Variants in TMTC4 observed in about 807,000 individuals in gnomAD.
TMTC4 encodes the protein protein O-mannosyl-transferase TMTC4.
Under a neutral mutation model 86.0 loss-of-function variants are expected in TMTC4, and 65 were observed. The ratio of observed to expected loss-of-function variants is 0.76; its 90% confidence interval spans 0.62 to 0.93. The LOEUF (loss-of-function observed/expected upper bound fraction) is 0.93. TMTC4 is among the 40% of genes least tolerant of loss of function. The pLI, the probability that TMTC4 is intolerant of heterozygous loss-of-function variation, is 0.00. For synonymous variants in TMTC4, 379 were observed against 382.5 expected, an observed-to-expected ratio of 0.99 and a Z score of 0.11; for missense variants, 866 against 948.1, an observed-to-expected ratio of 0.91 and a Z score of 1.14.
chr13:100,614,509 A>T, intron 15 of TMTC4, 79 bp from the exon 16 acceptor site: 4 of 1,105,292 alleles, frequency 3.6e-6, no homozygotes, highest in Non-Finnish European at 5.2e-6. Flanking sequence ...AAAAAAAAAA[A>T]AAAGAAAGAA....
At position 100,664,354 on chromosome 13, in the gene TMTC4, G is replaced by T; in HGVS notation, c.220-18C>A. ...TGGAGGTCCTGCAGGGTCACAAAGG[G>T]GATGTTCTGGACAAGGGTCTCCCAT... On this transcript the variant is annotated intron_variant, in intron 3 of 18. Coordinates refer to ENST00000342624, the MANE Select transcript of TMTC4 (RefSeq NM_032813.5). 6.3e-7 allele frequency: 1 copy of T among 1,578,788 alleles called. No homozygotes were observed. Among genetic ancestry groups the T allele is most frequent in the South Asian group, 1.2e-5 (1 of 85,950 alleles).
intron 6 of TMTC4, among the ~76,000 whole-genome samples, chr13:100,650,223 A>G (rs1376998231): frequency 6.6e-6 from 1 of 152,232 alleles, no homozygotes; most frequent in Non-Finnish European, 1.5e-5. Context: ...TGCCTAGGCA[A>G]TGTTCTTCTC....
chr13:100,660,657 A>AT (rs35020533), intron 5 of TMTC4, among the ~76,000 whole-genome samples: 41,895 of 139,908 alleles, frequency 0.3, 6,865 homozygotes, highest in African/African-American at 0.45. Flanking sequence ...TTAAAGCTGG[A>AT]TTTTTTTTTT....
chr13:100,656,730 G>C (rs1262080292), intron 5 of TMTC4, among the ~76,000 whole-genome samples: 1 of 151,802 alleles, frequency 6.6e-6, no homozygotes, highest in Non-Finnish European at 1.5e-5. Flanking sequence ...TTTTTGTAGA[G>C]ACGGGGTTTC....
At chr13:100,664,157 C>G (rs544751384) in intron 4 of TMTC4, 64 bp downstream of exon 4, 1 of 1,401,016 alleles carries the variant, frequency 7.1e-7, no homozygotes, top group African/African-American at 1.4e-5. Context: ...TGACACACAC[C>G]TGTATCCAAT....
chr13:100,652,513 AG>A (rs1884588915), intron 6 of TMTC4, among the ~76,000 whole-genome samples: 1 of 152,212 alleles, frequency 6.6e-6, no homozygotes, highest in Admixed American at 6.5e-5. Flanking sequence ...CGACTGTTTA[AG>A]ATATCTCAAA....
chr13:100,609,417 T>C (rs1877192167), intron 17 of TMTC4, among the ~76,000 whole-genome samples: 2 of 152,146 alleles, frequency 1.3e-5, no homozygotes, highest in Non-Finnish European at 2.9e-5. Context: ...AGGTGTGACA[T>C]AAATGTCTGG....
At position 100,637,981 on chromosome 13, in the gene TMTC4, G is replaced by T; in HGVS notation, c.783C>A (p.Phe261Leu). ...CCTTCTGGACAATTTCCAGAACATT[G>T]AATTTGCCTATCACCAAGATGTCAA... Reference protein sequence around the residue: ...AVFDILVIGKFNVLEIVQKVL... With the variant: ...AVFDILVIGKLNVLEIVQKVL... Residue 261 changes from phenylalanine (F) to leucine (L), a missense_variant, in exon 8 of 19, where the codon TTC (phenylalanine) becomes TTA (leucine). By Grantham distance (22) the Phe-to-Leu change is conservative. Transcript: ENST00000342624. 3.1e-6 allele frequency: 5 copies of T among 1,613,872 alleles called. No individual in the cohort carries two copies. The highest frequency in any genetic ancestry group is 4.2e-6 in the Non-Finnish European group (5 of 1,179,932).
At chr13:100,620,713 A>G (rs993014971) in intron 15 of TMTC4, among the ~76,000 whole-genome samples, 10 of 151,890 alleles carry the variant, frequency 6.6e-5, no homozygotes, top group East Asian at 1.9e-4. Flanking sequence ...ATGTCCCAGT[A>G]ATTGCGCTCT....
At chr13:100,618,948 T>G (rs1388243821) in intron 15 of TMTC4, among the ~76,000 whole-genome samples, 1 of 152,222 alleles carries the variant, frequency 6.6e-6, no homozygotes, top group African/African-American at 2.4e-5. Context: ...CTTTCCCCCC[T>G]TTCTATTCCA....
chr13:100,620,851 AC>A (rs761366029), intron 15 of TMTC4, among the ~76,000 whole-genome samples: 10 of 152,154 alleles, frequency 6.6e-5, no homozygotes, highest in Non-Finnish European at 1.2e-4. Flanking sequence ...AAACAAACAA[AC>A]AAAAAACCCT....
chr13:100,617,549 T>C (rs747244984), intron 15 of TMTC4, among the ~76,000 whole-genome samples: 1 of 152,220 alleles, frequency 6.6e-6, no homozygotes, highest in African/African-American at 2.4e-5. Flanking sequence ...TGCGTATGGC[T>C]AGCCAGCTAT....
intron 17 of TMTC4, among the ~76,000 whole-genome samples, chr13:100,609,861 G>T (rs1175189744): frequency 6.6e-6 from 1 of 152,152 alleles, no homozygotes; most frequent in Admixed American, 6.5e-5. Context: ...CTGCTGTTAG[G>T]TTTTAAGAAG....
chr13:100,669,104 C>T (rs897256000), intron 2 of TMTC4, among the ~76,000 whole-genome samples: 6 of 152,126 alleles, frequency 3.9e-5, no homozygotes, highest in South Asian at 2.1e-4. Flanking sequence ...CATTTTTAAT[C>T]GTCCTTGAAC....
intron 16 of TMTC4, among the ~76,000 whole-genome samples, chr13:100,613,086 A>G (rs1877899635): frequency 6.6e-6 from 1 of 152,170 alleles, no homozygotes; most frequent in South Asian, 2.1e-4. Flanking sequence ...TCAAATATTG[A>G]TCATTTCTTT....
At position 100,613,741 on chromosome 13, in the gene TMTC4, T is replaced by C. The variant is rs928927424; in HGVS notation, c.1951+575A>G. ...CCAGACATTCACATTCCAGTATGTC[T>C]AAAGAAATTCCTTCCTTCCCTCCCT... On this transcript the variant is annotated intron_variant, in intron 16 of 18. Transcript: ENST00000342624. 5.3e-5 allele frequency among the ~76,000 whole-genome samples: 8 copies of C among 151,902 alleles called. No individual in the cohort carries two copies. The East Asian group carries it at 9.7e-4, about 18-fold the overall frequency.
In TMTC4 at chr13:100,635,035, T is replaced by C; in HGVS notation, c.1363A>G (p.Thr455Ala). The change falls in exon 11 of 19, where the codon ACC (threonine) becomes GCC (alanine). Residue 455 changes from threonine to alanine, a missense_variant. Coordinates refer to ENST00000342624, the MANE Select transcript of TMTC4 (RefSeq NM_032813.5). The part of the protein sequence containing the change: ...TFGFGALSKH[T>A]KKKKLIAAVV... ...CTCTCAGTTGATACCTTTTTCTTGG[T>C]ATGTTTGCTCAGGGCTCCGAATCCA... 1 of 1,611,696 alleles carries C rather than the reference T, an allele frequency of 6.2e-7. No homozygotes were observed. Among genetic ancestry groups the C allele is most frequent in the Non-Finnish European group, 8.5e-7 (1 of 1,178,602 alleles).
At chr13:100,640,057 G>A (rs944777655) in intron 7 of TMTC4, among the ~76,000 whole-genome samples, 1 of 152,136 alleles carries the variant, frequency 6.6e-6, no homozygotes, top group Non-Finnish European at 1.5e-5. Flanking sequence ...GGAGGGGGTG[G>A]GGCCTGGGAT....
chr13:100,632,053 A>ACACACACACACACACACT (rs1296569630), intron 12 of TMTC4, among the ~76,000 whole-genome samples: 50 of 43,130 alleles, frequency 1.2e-3, no homozygotes, highest in African/African-American at 3.6e-3. Flanking sequence ...ACACACACAC[A>ACACACACACACACACACT]CTCTCTCTCT....
Sources: gnomAD v4.1 joint callset for allele counts (sites outside exome capture counted in the v4.1 genomes callset) on GRCh38, gnomAD v4.1.1 for gene constraint, MANE v1.5 for transcripts, NCBI Gene and HGNC (gene_info 2026-07-23, HGNC 2026-07-21) for gene names.